SLC7A14: variants seen among roughly 807,000 people sequenced by gnomAD.
SLC7A14 encodes solute carrier family 7 member 14.
SLC7A14 carries 37 observed loss-of-function variants against 60.2 expected under a neutral mutation model. The ratio of observed to expected loss-of-function variants is 0.61; its 90% CI spans 0.47 to 0.81. The LOEUF (loss-of-function observed/expected upper bound fraction) is 0.81. Among genes scored for constraint, SLC7A14 ranks in the 30% least tolerant of loss-of-function variants. The pLI is 0.00. For synonymous variants in SLC7A14, 399 were observed against 395.8 expected, an observed-to-expected ratio of 1.01 and a Z score of -0.10; for missense variants, 886 against 982.7, an observed-to-expected ratio of 0.90 and a Z score of 1.32.
intron 1 of SLC7A14, among the ~76,000 whole-genome samples, chr3:170,577,478 C>T (rs1041656198): frequency 1.3e-5 from 2 of 151,434 alleles, no homozygotes; most frequent in East Asian, 1.9e-4. Flanking sequence ...CTTAGCCGGG[C>T]GCGGTGGCGG....
At chr3:170,544,172 C>T (rs771345615) in intron 1 of SLC7A14, among the ~76,000 whole-genome samples, 3 of 152,072 alleles carry the variant, frequency 2.0e-5, no homozygotes, top group Non-Finnish European at 4.4e-5. Flanking sequence ...ATCCTCCCTG[C>T]CTGTGATTTG....
In SLC7A14 at chr3:170,501,271, C is replaced by T. The variant is rs983858154; in HGVS notation, c.379G>A (p.Val127Ile). 6.8e-6 allele frequency: 11 copies of T among 1,614,094 alleles called. No individual in the cohort carries two copies. The highest frequency in any genetic ancestry group is 1.3e-5 in the African/African-American group (1 of 74,930). Residue 127 changes from valine (V) to isoleucine (I), a missense_variant, in exon 3 of 8, where the codon GTT becomes ATT. By Grantham distance (29) the Val-to-Ile change is conservative. Transcript: ENST00000231706. ...ATGAAAAATGCCACAAATTCCCCAA[C>T]AGTGACATAGCTGTAGGTGTAGGCA... ...GSAYTYSYVT[V>I]GEFVAFFIGW...
chr3:170,481,436 C>G (rs1014124852), intron 6 of SLC7A14, among the ~76,000 whole-genome samples: 11 of 134,674 alleles, frequency 8.2e-5, no homozygotes, highest in African/African-American at 3.2e-4. Flanking sequence ...TCTGCTTACT[C>G]TGTCCCCCAG....
At chr3:170,537,813 C>T (rs957579164) in intron 1 of SLC7A14, among the ~76,000 whole-genome samples, 2 of 152,212 alleles carry the variant, frequency 1.3e-5, no homozygotes, top group East Asian at 1.9e-4. Context: ...CAGTGCTTTC[C>T]GTACTGCTCC....
At chr3:170,486,510 G>C (rs1008106387) in intron 4 of SLC7A14, 142 bp from the exon 5 acceptor site, 2 of 1,015,070 alleles carry the variant, frequency 2.0e-6, no homozygotes, top group African/African-American at 1.6e-5. Flanking sequence ...TGCTAAACAC[G>C]CAGGTTCTGA....
chr3:170,495,547 CA>C, intron 4 of SLC7A14: 1 of 739,210 alleles, frequency 1.4e-6, no homozygotes, highest in South Asian at 1.5e-5. Flanking sequence ...ATCAGCTCTT[CA>C]AGCCTCTCCC....
Position 170,498,708 on chromosome 3 carries a change from A to AT in SLC7A14, c.717dup (p.Tyr240IlefsTer30). 6.2e-7 allele frequency: 1 copy of AT among 1,614,176 alleles called. No individual in the cohort carries two copies. Among genetic ancestry groups the AT allele is most frequent in the Non-Finnish European group, 8.5e-7 (1 of 1,180,028 alleles). ...GGCAAGAACTGGCCCTCCGCCCAGT[A>AT]TTTCCCATTGATGAAGAAGAGGCCT... On this transcript the variant is annotated frameshift_variant, in exon 4 of 8. Coordinates refer to ENST00000231706, the MANE Select transcript of SLC7A14 (RefSeq NM_020949.3). LOFTEE classifies it high-confidence loss of function.
intron 2 of SLC7A14, among the ~76,000 whole-genome samples, chr3:170,518,737 G>T (rs1713245951): frequency 6.6e-6 from 1 of 152,160 alleles, no homozygotes; most frequent in African/African-American, 2.4e-5. Context: ...AACTTGGAGG[G>T]TGATGAAGAA....
intron 1 of SLC7A14, among the ~76,000 whole-genome samples, chr3:170,581,950 A>G (rs138908501): frequency 0.023 from 3,438 of 152,294 alleles, 143 homozygotes; most frequent in African/African-American, 0.079. Flanking sequence ...ATGTTATTAC[A>G]TATACATGTA....
chr3:170,483,672 T>A, intron 5 of SLC7A14, 150 bp from the exon 6 acceptor site: 1 of 772,112 alleles, frequency 1.3e-6, no homozygotes, highest in Non-Finnish European at 2.1e-6. Context: ...GCCTTTACTG[T>A]AGACCAGTCA....
At chr3:170,533,014 T>C (rs549634991) in intron 1 of SLC7A14, among the ~76,000 whole-genome samples, 1 of 152,294 alleles carries the variant, frequency 6.6e-6, no homozygotes, top group East Asian at 1.9e-4. Flanking sequence ...GATGCACACA[T>C]ACCTTTGGGA....
intron 1 of SLC7A14, among the ~76,000 whole-genome samples, chr3:170,576,335 A>G (rs1560285679): frequency 2.0e-5 from 3 of 152,216 alleles, no homozygotes; most frequent in Admixed American, 6.5e-5. Context: ...TCTTCAATAA[A>G]TTGCAAAGAT....
rs200599026 is a variant in SLC7A14 at position 170,563,413 on chromosome 3, G to GTTT, written c.-153+22495_-153+22497dup. Among the ~76,000 whole-genome samples the GTTT allele has an allele frequency of 1.6e-3, 173 of 111,260 alleles. 3 individuals carry two copies. Among genetic ancestry groups the GTTT allele is most frequent in the Non-Finnish European group, 2.0e-3 (116 of 57,142 alleles). 73.0% of individuals were successfully genotyped at this position (111,260 alleles called of 152,430 possible). On this transcript the variant is annotated intron_variant, in intron 1 of 7. Coordinates refer to ENST00000231706, the MANE Select transcript of SLC7A14 (RefSeq NM_020949.3). ...TCAGTTCAACAAACACTGTTTGTTT[G>GTTT]TTTGTTTTTTTTTTTTTTTTTTGAG...
At chr3:170,509,481 A>C (rs1712896673) in intron 2 of SLC7A14, among the ~76,000 whole-genome samples, 1 of 152,110 alleles carries the variant, frequency 6.6e-6, no homozygotes, top group Admixed American at 6.5e-5. Context: ...CACCCCCCAA[A>C]ACAGGTCAAG....
rs114981334 is a variant in SLC7A14 at position 170,480,180 on chromosome 3, A to T, written c.1993+109T>A. 742 of 1,202,456 alleles carry T rather than the reference A, an allele frequency of 6.2e-4. 3 individuals are homozygous for T. The African/African-American group carries it at 9.9e-3, about 16-fold the overall frequency. The allele number at this position is 1,202,456 out of a possible 1,614,324, so 74.5% of individuals were successfully genotyped here. On this transcript the variant is annotated intron_variant, in intron 7 of 7. Transcript: ENST00000231706. ...AACACAAGGGTCCATAGAACCAGCC[A>T]GATTTCTCTGGGAACGGAGTTGCCT...
intron 1 of SLC7A14, among the ~76,000 whole-genome samples, chr3:170,560,197 T>G (rs1047092492): frequency 1.3e-5 from 2 of 152,198 alleles, no homozygotes; most frequent in African/African-American, 4.8e-5. Context: ...TTTCTTTTCT[T>G]AAGTTTAGAA....
intron 7 of SLC7A14, among the ~76,000 whole-genome samples, chr3:170,472,495 G>A (rs945215458): frequency 6.6e-6 from 1 of 152,174 alleles, no homozygotes; most frequent in Non-Finnish European, 1.5e-5. Context: ...GCCGGGCACG[G>A]TGGCTCACGC....
intron 1 of SLC7A14, among the ~76,000 whole-genome samples, chr3:170,575,989 C>G (rs959139456): frequency 6.6e-6 from 1 of 152,236 alleles, no homozygotes; most frequent in Non-Finnish European, 1.5e-5. Flanking sequence ...TCAGCCTGCA[C>G]TTGTATCATT....
chr3:170,517,608 T>G (rs750787803), intron 2 of SLC7A14, among the ~76,000 whole-genome samples: 6 of 152,214 alleles, frequency 3.9e-5, no homozygotes, highest in Non-Finnish European at 7.3e-5. Context: ...TAGAAATCTT[T>G]CTTTGATCAT....
Sources: gnomAD v4.1 joint callset for allele counts (sites outside exome capture counted in the v4.1 genomes callset) on GRCh38, gnomAD v4.1.1 for gene constraint, MANE v1.5 for transcripts, NCBI Gene and HGNC (gene_info 2026-07-23, HGNC 2026-07-21) for gene names.